The following PIK3C2A variants were observed in gnomAD, a reference collection of about 807,000 sequenced individuals.
PIK3C2A encodes the protein phosphatidylinositol-4-phosphate 3-kinase catalytic subunit type 2 alpha.
PIK3C2A carries 97 observed loss-of-function variants against 204.5 expected under a neutral mutation model. The observed-to-expected ratio is 0.47, with a 90% CI of 0.40 to 0.56. PIK3C2A has a LOEUF of 0.56. Among genes scored for constraint, PIK3C2A ranks in the 20% least tolerant of loss-of-function variants. PIK3C2A has a pLI of 0.00. For missense variants in PIK3C2A, 1,735 were observed against 1,969.2 expected (o/e 0.88, Z 2.25); for synonymous variants, 653 against 664.4 (o/e 0.98, Z 0.26).
intron 8 of PIK3C2A, among the ~76,000 whole-genome samples, chr11:17,144,595 T>C (rs72872377): frequency 0.013 from 1,973 of 152,190 alleles, 14 homozygotes; most frequent in South Asian, 0.021. Flanking sequence ...GAAACATTAA[T>C]GTCAAGAATA....
intron 27 of PIK3C2A, among the ~76,000 whole-genome samples, chr11:17,095,460 G>A (rs947888755): frequency 1.1e-4 from 16 of 150,624 alleles, no homozygotes; most frequent in Admixed American, 7.3e-4. Flanking sequence ...GCGTGGTGGT[G>A]GGTACCTGTA....
intron 1 of PIK3C2A, among the ~76,000 whole-genome samples, chr11:17,195,744 A>T (rs1479716203): frequency 6.1e-5 from 9 of 147,228 alleles, no homozygotes; most frequent in African/African-American, 9.9e-5. Flanking sequence ...CTCTATTGCA[A>T]AAAAAAAAAA....
At chr11:17,184,118 T>C (rs1296268264) in intron 1 of PIK3C2A, among the ~76,000 whole-genome samples, 1 of 151,606 alleles carries the variant, frequency 6.6e-6, no homozygotes, top group Non-Finnish European at 1.5e-5. Context: ...TAAGATCCTG[T>C]CTCTAAAAAG....
chr11:17,092,827 C>T (rs1180072586), intron 28 of PIK3C2A, among the ~76,000 whole-genome samples: 1 of 152,098 alleles, frequency 6.6e-6, no homozygotes, highest in Non-Finnish European at 1.5e-5. Flanking sequence ...TGGTTTTTGA[C>T]ATTAAAAGTA....
intron 22 of PIK3C2A, among the ~76,000 whole-genome samples, chr11:17,105,598 C>T (rs1848785510): frequency 2.0e-5 from 3 of 152,090 alleles, no homozygotes; most frequent in Admixed American, 2.0e-4. Context: ...TCCCTGTGTC[C>T]ACGTGTTCTC....
chr11:17,173,797 G>GGTTT (rs771787500), intron 1 of PIK3C2A, among the ~76,000 whole-genome samples: 103 of 152,110 alleles, frequency 6.8e-4, no homozygotes, highest in Middle Eastern at 3.4e-3. Context: ...GAACACGTGG[G>GGTTT]GTTTGTTTGT....
intron 8 of PIK3C2A, among the ~76,000 whole-genome samples, chr11:17,143,875 T>C (rs1254501119): frequency 6.6e-6 from 1 of 152,078 alleles, no homozygotes; most frequent in Non-Finnish European, 1.5e-5. Context: ...AGGCAGAGAT[T>C]ACAGTGAACC....
intron 26 of PIK3C2A, among the ~76,000 whole-genome samples, chr11:17,098,956 C>T (rs372620995): frequency 4.6e-5 from 7 of 152,154 alleles, no homozygotes; most frequent in East Asian, 1.9e-4. Context: ...AGTGCAATGG[C>T]GCAATCTCGG....
At chr11:17,164,933 C>T (rs1412765083) in intron 2 of PIK3C2A, among the ~76,000 whole-genome samples, 1 of 152,068 alleles carries the variant, frequency 6.6e-6, no homozygotes, top group Admixed American at 6.6e-5. Context: ...GGTACTGTGA[C>T]AAATATTTTA....
At chr11:17,104,781 C>T (rs930919612) in intron 23 of PIK3C2A, among the ~76,000 whole-genome samples, 26 of 150,198 alleles carry the variant, frequency 1.7e-4, no homozygotes, top group Middle Eastern at 3.4e-3. Flanking sequence ...TGACTTGGGA[C>T]GGGACCTGAA....
intron 1 of PIK3C2A, among the ~76,000 whole-genome samples, chr11:17,203,811 G>A (rs994499671): frequency 2.0e-5 from 3 of 152,116 alleles, no homozygotes; most frequent in South Asian, 4.1e-4. Flanking sequence ...AGTGGCTCAC[G>A]CCTGTAATCC....
intron 4 of PIK3C2A, among the ~76,000 whole-genome samples, chr11:17,150,033 TA>T (rs993073576): frequency 1.3e-5 from 2 of 151,932 alleles, no homozygotes; most frequent in South Asian, 2.1e-4. Context: ...TTTAAAACTA[TA>T]AAAAAAATTT....
chr11:17,150,419 A>C, intron 4 of PIK3C2A, 79 bp downstream of exon 4: 1 of 1,297,250 alleles, frequency 7.7e-7, no homozygotes, highest in Non-Finnish European at 1.0e-6. Context: ...TTGGTTTATT[A>C]AAAGAATGAT....
chr11:17,204,090 AAG>A lies in PIK3C2A; in HGVS notation c.-66+3756_-66+3757del, dbSNP rs1265311482. On this transcript the variant is annotated intron_variant, in intron 1 of 32. Coordinates refer to ENST00000691414, the MANE Select transcript of PIK3C2A (RefSeq NM_002645.4). ...CTCCGTCTCAAAGAAAAAAAAAAAA[AAG>A]AGAGATCCTCCTGCCTCGATCCTCC... 1.3e-5 allele frequency among the ~76,000 whole-genome samples: 2 copies of A among 151,842 alleles called. 1 individual carries two copies. The highest frequency in any genetic ancestry group is 2.9e-5 in the Non-Finnish European group (2 of 67,958).
chr11:17,129,589 T>C (rs949546921), intron 12 of PIK3C2A, 122 bp from the exon 13 acceptor site: 6 of 681,820 alleles, frequency 8.8e-6, no homozygotes, highest in African/African-American at 7.3e-5. Flanking sequence ...TTTATTTTGG[T>C]ATTTTTATTT....
At chr11:17,184,996 A>G (rs1851705632) in intron 1 of PIK3C2A, among the ~76,000 whole-genome samples, 2 of 152,064 alleles carry the variant, frequency 1.3e-5, no homozygotes, top group African/African-American at 2.4e-5. Context: ...CAAATTTAGC[A>G]TAGTACATGT....
intron 13 of PIK3C2A, among the ~76,000 whole-genome samples, chr11:17,124,306 T>C (rs916396889): frequency 1.3e-5 from 2 of 152,196 alleles, no homozygotes; most frequent in African/African-American, 4.8e-5. Flanking sequence ...CCATTATCCC[T>C]CCTAAAATAA....
At chr11:17,112,057 C>G (rs2137316081) in intron 21 of PIK3C2A, among the ~76,000 whole-genome samples, 1 of 152,048 alleles carries the variant, frequency 6.6e-6, no homozygotes, top group Non-Finnish European at 1.5e-5. Flanking sequence ...AAAAGTGGTT[C>G]AAGTAGAAGC....
At chr11:17,122,384 A>G (rs1246627908) in intron 14 of PIK3C2A, 51 bp from the exon 15 acceptor site, 3 of 1,133,484 alleles carry the variant, frequency 2.6e-6, no homozygotes, top group Admixed American at 4.3e-5. Flanking sequence ...TATTTGCCAC[A>G]TTAACCTCTT....
Sources: gnomAD v4.1 joint callset for allele counts (sites outside exome capture counted in the v4.1 genomes callset) on GRCh38, gnomAD v4.1.1 for gene constraint, MANE v1.5 for transcripts, NCBI Gene and HGNC (gene_info 2026-07-23, HGNC 2026-07-21) for gene names.